The following OSBPL6 variants were observed in gnomAD, a reference collection of about 807,000 sequenced individuals.
The protein encoded by OSBPL6 is oxysterol binding protein like 6, also known as oxysterol-binding protein-related protein 6.
Under a neutral mutation model 125.8 loss-of-function variants are expected in OSBPL6, and 49 were observed. The observed-to-expected ratio is 0.39, with a 90% CI of 0.31 to 0.49. The LOEUF is 0.49. Ranked by LOEUF, OSBPL6 falls within the 20% of genes least tolerant of loss-of-function variation. The probability of loss-of-function intolerance (pLI) is 0.88; values close to 1 mark genes in which losing one functional copy is unlikely to be tolerated. For synonymous variants in OSBPL6, 394 were observed against 391.8 expected (o/e 1.01, Z -0.07); for missense variants, 986 against 1,135.4 (o/e 0.87, Z 1.89).
At chr2:178,336,796 A>G (rs539706299) in intron 9 of OSBPL6, among the ~76,000 whole-genome samples, 2 of 152,034 alleles carry the variant, frequency 1.3e-5, no homozygotes, top group East Asian at 1.9e-4. Context: ...AGGAGAGCCT[A>G]CTCTGCCCAT....
intron 1 of OSBPL6, among the ~76,000 whole-genome samples, chr2:178,284,140 GT>G (rs1228072316): frequency 6.6e-6 from 1 of 152,160 alleles, no homozygotes; most frequent in Non-Finnish European, 1.5e-5. Flanking sequence ...TGTTCTAGGA[GT>G]TTGGCTACAG....
At chr2:178,202,531 T>G (rs1276788221) in intron 1 of OSBPL6, among the ~76,000 whole-genome samples, 3 of 152,178 alleles carry the variant, frequency 2.0e-5, no homozygotes, top group Non-Finnish European at 4.4e-5. Flanking sequence ...CTTTAAGATT[T>G]CTTTTTATCT....
intron 9 of OSBPL6, among the ~76,000 whole-genome samples, chr2:178,338,094 A>G (rs899752390): frequency 6.6e-6 from 1 of 151,968 alleles, no homozygotes; most frequent in African/African-American, 2.4e-5. Flanking sequence ...GGCACCCACC[A>G]TCATGCCTGG....
intron 12 of OSBPL6, among the ~76,000 whole-genome samples, chr2:178,355,950 C>T (rs576387831): frequency 3.9e-5 from 6 of 152,332 alleles, no homozygotes; most frequent in East Asian, 1.9e-4. Context: ...AATCAATAAA[C>T]GTAATCCATC....
chr2:178,399,458 C>T lies in OSBPL6; in HGVS notation c.*3899C>T, dbSNP rs1291225194. On this transcript the variant is annotated 3_prime_UTR_variant, in exon 25 of 25. Coordinates refer to ENST00000190611, the MANE Select transcript of OSBPL6 (RefSeq NM_032523.4). ...ATATATTTGTTATTGAATTGAAAGACTTTTTTTGTAGCTTTTGCTTTTAAA... is the reference window on the plus strand; with the variant it reads ...ATATATTTGTTATTGAATTGAAAGATTTTTTTTGTAGCTTTTGCTTTTAAA... 4 of 152,100 alleles carry T rather than the reference C, an allele frequency of 2.6e-5. No homozygotes were observed. Among genetic ancestry groups the T allele is most frequent in the African/African-American group, 9.7e-5 (4 of 41,430 alleles). 9.4% of individuals were successfully genotyped at this position (152,100 alleles called of 1,614,324 possible).
At chr2:178,296,927 C>T (rs1304778622) in intron 2 of OSBPL6, among the ~76,000 whole-genome samples, 1 of 152,188 alleles carries the variant, frequency 6.6e-6, no homozygotes, top group Non-Finnish European at 1.5e-5. Context: ...CTTGCATAAA[C>T]ACTGCTATTC....
intron 1 of OSBPL6, among the ~76,000 whole-genome samples, chr2:178,246,380 G>A (rs932844851): frequency 6.6e-6 from 1 of 152,038 alleles, no homozygotes; most frequent in African/African-American, 2.4e-5. Context: ...ACCTTCTCCT[G>A]TGGCTGCACT....
intron 13 of OSBPL6, among the ~76,000 whole-genome samples, chr2:178,364,399 C>A (rs1411707099): frequency 6.6e-6 from 1 of 152,186 alleles, no homozygotes; most frequent in Non-Finnish European, 1.5e-5. Flanking sequence ...GCTAGTTGGA[C>A]AGATTCTTAT....
At chr2:178,360,760 G>A (rs1335822952) in intron 12 of OSBPL6, among the ~76,000 whole-genome samples, 2 of 152,114 alleles carry the variant, frequency 1.3e-5, no homozygotes, top group African/African-American at 4.8e-5. Flanking sequence ...CAGCTATCAA[G>A]TTATTACCTT....
chr2:178,229,860 G>T (rs975063402), intron 1 of OSBPL6, among the ~76,000 whole-genome samples: 1 of 152,316 alleles, frequency 6.6e-6, no homozygotes, highest in African/African-American at 2.4e-5. Flanking sequence ...AGAAAAAAAA[G>T]AAATGCAAAT....
intron 1 of OSBPL6, among the ~76,000 whole-genome samples, chr2:178,224,548 G>C (rs1287118139): frequency 6.6e-6 from 1 of 152,164 alleles, no homozygotes; most frequent in Non-Finnish European, 1.5e-5. Flanking sequence ...CCTGTGTCCA[G>C]AATCAGAATG....
intron 13 of OSBPL6, among the ~76,000 whole-genome samples, chr2:178,370,209 G>A (rs1271313852): frequency 6.6e-6 from 1 of 152,140 alleles, no homozygotes; most frequent in Non-Finnish European, 1.5e-5. Context: ...AGGTTGCAGT[G>A]AGCTGAGATC....
chr2:178,224,048 C>T (rs372861601), intron 1 of OSBPL6, among the ~76,000 whole-genome samples: 9 of 152,268 alleles, frequency 5.9e-5, no homozygotes, highest in East Asian at 3.9e-4. Context: ...CCAAGGGGAA[C>T]GCCGCATCTG....
chr2:178,197,917 A>G (rs761437361), intron 1 of OSBPL6, among the ~76,000 whole-genome samples: 1 of 152,238 alleles, frequency 6.6e-6, no homozygotes, highest in South Asian at 2.1e-4. Flanking sequence ...TGCAGTCCCT[A>G]TGCATAGGCA....
intron 1 of OSBPL6, among the ~76,000 whole-genome samples, chr2:178,206,501 GGATAGAAAATTTGATTTAT>G (rs1448707928): frequency 6.6e-6 from 1 of 152,114 alleles, no homozygotes; most frequent in Non-Finnish European, 1.5e-5. Context: ...ATGAAGAAAG[GGATAGAAAATTTGATTTAT>G]GTTGAATCAC....
At chr2:178,230,984 C>T (rs931740780) in intron 1 of OSBPL6, among the ~76,000 whole-genome samples, 4 of 152,116 alleles carry the variant, frequency 2.6e-5, no homozygotes, top group African/African-American at 9.7e-5. Flanking sequence ...GGGGTAGATA[C>T]CTGGGGTTTG....
upstream of OSBPL6, among the ~76,000 whole-genome samples, chr2:178,193,918 G>C (rs1574439400): frequency 6.6e-6 from 1 of 152,312 alleles, no homozygotes; most frequent in African/African-American, 2.4e-5. Context: ...AGTCAGGGAC[G>C]GGAGCAGGCA....
At chr2:178,371,634 A>G (rs930063075) in intron 13 of OSBPL6, among the ~76,000 whole-genome samples, 1 of 152,204 alleles carries the variant, frequency 6.6e-6, no homozygotes, top group African/African-American at 2.4e-5. Context: ...TTTTCTTTAA[A>G]CACACTAAAA....
chr2:178,288,313 G>A (rs1156282794), intron 2 of OSBPL6, among the ~76,000 whole-genome samples: 1 of 152,178 alleles, frequency 6.6e-6, no homozygotes, highest in East Asian at 1.9e-4. Flanking sequence ...GGGAAAAGGA[G>A]TGAGACCCCA....
Sources: gnomAD v4.1 joint callset for allele counts (sites outside exome capture counted in the v4.1 genomes callset) on GRCh38, gnomAD v4.1.1 for gene constraint, MANE v1.5 for transcripts, NCBI Gene and HGNC (gene_info 2026-07-23, HGNC 2026-07-21) for gene names.